Variants in CHAF1B observed in about 807,000 individuals in gnomAD.
CHAF1B encodes the protein CAF-1 subunit B.
CHAF1B carries 10 observed loss-of-function variants against 60.7 expected under a neutral mutation model. The ratio of observed to expected loss-of-function variants is 0.16; its 90% CI spans 0.10 to 0.28. The LOEUF is 0.28. CHAF1B is among the 10% of genes least tolerant of loss of function. CHAF1B has a pLI of 1.00. For synonymous variants in CHAF1B, 261 were observed against 266.1 expected (o/e 0.98, Z 0.19); for missense variants, 558 against 708.4 (o/e 0.79, Z 2.41).
At chr21:36,408,638 AG>A in intron 8 of CHAF1B, 122 bp from the exon 9 acceptor site, 1 of 662,042 alleles carries the variant, frequency 1.5e-6, no homozygotes, top group Non-Finnish European at 2.8e-6. Context: ...CATTGTCCAG[AG>A]AATATAACTG....
chr21:36,415,147 A>G (rs139617441), intron 12 of CHAF1B, 148 bp from the exon 13 acceptor site: 10,028 of 596,206 alleles, frequency 0.017, 158 homozygotes, highest in Non-Finnish European at 0.02. Context: ...ACAAGTGGGC[A>G]CATCTTACTA....
intron 2 of CHAF1B, 73 bp downstream of exon 2, chr21:36,386,335 A>G: frequency 8.3e-6 from 13 of 1,568,276 alleles, no homozygotes; most frequent in Non-Finnish European, 1.1e-5. Flanking sequence ...ACTTAAAACC[A>G]GTGTCGGCTG....
intron 8 of CHAF1B, among the ~76,000 whole-genome samples, chr21:36,404,399 C>CT (rs568032202): frequency 0.083 from 11,369 of 136,194 alleles, 753 homozygotes; most frequent in African/African-American, 0.19. Context: ...ACGCCCGGCC[C>CT]TTTTTTTTTT....
chr21:36,397,718 T>TA (rs2086153294), intron 6 of CHAF1B: 15 of 214,110 alleles, frequency 7.0e-5, no homozygotes, highest in East Asian at 6.6e-4. Context: ...ACTTAGTAAA[T>TA]CTTTTTTTTT....
chr21:36,390,698 G>C (rs937714173), intron 3 of CHAF1B, among the ~76,000 whole-genome samples: 4 of 152,146 alleles, frequency 2.6e-5, no homozygotes, highest in African/African-American at 9.7e-5. Context: ...CTCTGTCACT[G>C]AGGCTAGAGT....
intron 7 of CHAF1B, among the ~76,000 whole-genome samples, chr21:36,401,915 A>T (rs568108591): frequency 6.6e-6 from 1 of 151,316 alleles, no homozygotes; most frequent in East Asian, 1.9e-4. Context: ...TAATTTTTGT[A>T]TTTTTAGTAG....
intron 3 of CHAF1B, 110 bp downstream of exon 3, chr21:36,387,840 TAGAG>T: frequency 7.8e-7 from 1 of 1,275,156 alleles, no homozygotes; most frequent in Non-Finnish European, 1.1e-6. Flanking sequence ...TTTTTTGAGA[TAGAG>T]TTTCACTCTT....
chr21:36,402,397 G>C (rs1229925934), intron 7 of CHAF1B, among the ~76,000 whole-genome samples: 1 of 152,194 alleles, frequency 6.6e-6, no homozygotes, highest in African/African-American at 2.4e-5. Context: ...CTGTCTGCCA[G>C]TCTCAGGCCC....
chr21:36,385,914 TAGGTGGAGCTAGCA>T (rs1397080107), intron 1 of CHAF1B, 132 bp from the exon 2 acceptor site: 1 of 503,062 alleles, frequency 2.0e-6, no homozygotes, highest in African/African-American at 1.9e-5. Context: ...CGAAGCATTT[TAGGTGGAGCTAGCA>T]AGGTGTTATT....
At chr21:36,401,548 T>C (rs1265467644) in intron 7 of CHAF1B, among the ~76,000 whole-genome samples, 1 of 100,042 alleles carries the variant, frequency 1.0e-5, no homozygotes, top group African/African-American at 4.9e-5. Context: ...ACATAATATA[T>C]ATTTTTATAT....
At chr21:36,394,057 C>A (rs1276542656) in intron 4 of CHAF1B, among the ~76,000 whole-genome samples, 1 of 151,016 alleles carries the variant, frequency 6.6e-6, no homozygotes, top group African/African-American at 2.4e-5. Context: ...CGCCACCACA[C>A]CTGGCTATTT....
chr21:36,411,582 C>T lies in CHAF1B; in HGVS notation c.1039C>T (p.His347Tyr). The T allele has an allele frequency of 6.2e-7, 1 of 1,614,056 alleles. No individual in the cohort carries two copies. The highest frequency in any genetic ancestry group is 8.5e-7 in the Non-Finnish European group (1 of 1,180,006). The change falls in exon 11 of 14, where the codon CAC (histidine) becomes TAC (tyrosine). Residue 347 changes from histidine to tyrosine, a missense_variant. By Grantham distance (83) the His-to-Tyr change is moderately conservative. Transcript: ENST00000314103. ...PFGYVSNIHY[H>Y]TLSDISWSSD... ...TGGTTACGTGTCTAATATACATTACCACACCCTCAGTGACATTTCATGGTG... is the reference window on the plus strand; with the variant it reads ...TGGTTACGTGTCTAATATACATTACTACACCCTCAGTGACATTTCATGGTG...
intron 7 of CHAF1B, among the ~76,000 whole-genome samples, chr21:36,401,783 C>G (rs2086194021): frequency 6.6e-6 from 1 of 151,260 alleles, no homozygotes. Flanking sequence ...CTCTGTCACC[C>G]AGGCTGGAGT....
chr21:36,415,776 G>A (rs942945552), intron 13 of CHAF1B: 14 of 395,166 alleles, frequency 3.5e-5, no homozygotes, highest in Middle Eastern at 9.0e-4. Flanking sequence ...TTTTTGAGAT[G>A]CAGTCTTGCT....
chr21:36,401,984 G>C (rs181397016), intron 7 of CHAF1B, among the ~76,000 whole-genome samples: 1 of 152,000 alleles, frequency 6.6e-6, no homozygotes, highest in Non-Finnish European at 1.5e-5. Flanking sequence ...CAAGTGATCC[G>C]CCCGCCTTGG....
chr21:36,411,331 C>A, intron 10 of CHAF1B, 132 bp from the exon 11 acceptor site: 1 of 1,066,304 alleles, frequency 9.4e-7, no homozygotes, highest in Non-Finnish European at 1.4e-6. Flanking sequence ...TTAGGCAGGT[C>A]TCAAACTCCT....
intron 10 of CHAF1B, among the ~76,000 whole-genome samples, chr21:36,409,924 C>G (rs1467014804): frequency 6.7e-6 from 1 of 149,640 alleles, no homozygotes; most frequent in Non-Finnish European, 1.5e-5. Context: ...AATGGACGTA[C>G]TCCTTTTGTT....
chr21:36,388,628 G>A (rs559384135), intron 3 of CHAF1B, among the ~76,000 whole-genome samples: 2 of 151,902 alleles, frequency 1.3e-5, no homozygotes, highest in Admixed American at 6.6e-5. Flanking sequence ...CACCACCCCC[G>A]GCTAATTTTT....
At chr21:36,415,798 G>A (rs1032580657) in intron 13 of CHAF1B, 11 of 399,616 alleles carry the variant, frequency 2.8e-5, no homozygotes, top group Non-Finnish European at 4.8e-5. Context: ...TGTCGCCCAG[G>A]CTGGAATGCA....
Sources: gnomAD v4.1 joint callset for allele counts (sites outside exome capture counted in the v4.1 genomes callset) on GRCh38, gnomAD v4.1.1 for gene constraint, MANE v1.5 for transcripts, NCBI Gene and HGNC (gene_info 2026-07-23, HGNC 2026-07-21) for gene names.